YWHAZ: variants seen among roughly 807,000 people sequenced by gnomAD.
YWHAZ encodes 14-3-3 protein zeta/delta.
For synonymous variants in YWHAZ, 87 were observed against 103.6 expected (o/e 0.84, Z 0.97); for missense variants, 79 against 284.8 (o/e 0.28, Z 5.20).
intron 2 of YWHAZ, among the ~76,000 whole-genome samples, chr8:100,938,747 T>C (rs1814387310): frequency 1.3e-5 from 2 of 152,230 alleles, no homozygotes; most frequent in Admixed American, 6.5e-5. Context: ...TTTAATCTCT[T>C]ACTCCCCCTT....
At chr8:100,953,022 T>TGGGCC (rs1302377697), upstream of YWHAZ, 1 of 995,240 alleles carries the variant, frequency 1.0e-6, no homozygotes, top group Non-Finnish European at 1.2e-6. Context: ...GGGGGCGAGG[T>TGGGCC]GGGCCGGGCC....
In YWHAZ at chr8:100,944,461, T is replaced by C. The variant is rs114323348; in HGVS notation, c.294+4135A>G. Among the ~76,000 whole-genome samples, 789 of 152,274 alleles carry C rather than the reference T, an allele frequency of 5.2e-3. 9 individuals carry two copies. Among genetic ancestry groups the C allele is most frequent in the African/African-American group, 0.017 (716 of 41,554 alleles). On this transcript the variant is annotated intron_variant, in intron 2 of 5. Transcript: ENST00000395958. ...CACTATTAAGATTACTCAACTGCAG[T>C]TGCCAACTGTTATAAATGTTAGACA...
Position 100,918,907 on chromosome 8 carries a change from T to G in YWHAZ, c.*1786A>C, listed in dbSNP as rs1475879835. Reference sequence around the variant, plus strand: ...GAGGAAATATTTTGTAAAGTGAGCTTTGGGTATAACTTAGCCCCATCATTA... The same window carrying G: ...GAGGAAATATTTTGTAAAGTGAGCTGTGGGTATAACTTAGCCCCATCATTA... On this transcript the variant is annotated 3_prime_UTR_variant, in exon 6 of 6. Transcript: ENST00000395958. 6.6e-6 allele frequency: 1 copy of G among 152,584 alleles called. No individual in the cohort carries two copies. Among genetic ancestry groups the G allele is most frequent in the Non-Finnish European group, 1.5e-5 (1 of 68,036 alleles). 9.5% of individuals were successfully genotyped at this position (152,584 alleles called of 1,614,324 possible).
chr8:100,928,237 GC>G (rs1813504200), intron 2 of YWHAZ, among the ~76,000 whole-genome samples: 1 of 151,918 alleles, frequency 6.6e-6, no homozygotes, highest in African/African-American at 2.4e-5. Context: ...CTGAGATAGT[GC>G]CACTGCACTC....
rs1189210460 is a variant in YWHAZ, at chr8:100,952,000, C to T, written c.-83G>A. On this transcript the variant is annotated 5_prime_UTR_variant, in exon 1 of 6. Transcript: ENST00000395958. ...CTCTGGGCGGCGGCGGCGGCAGCAG[C>T]GGCGAGGCTGAGACTCTGTCCCTGG... 5.0e-6 allele frequency: 5 copies of T among 1,003,550 alleles called. No individual in the cohort carries two copies. Among genetic ancestry groups the T allele is most frequent in the African/African-American group, 3.5e-5 (2 of 57,408 alleles). 62.2% of individuals were successfully genotyped at this position (1,003,550 alleles called of 1,614,324 possible). A position where few individuals can be genotyped will look rare whatever the true frequency, so the allele number is the denominator to read the frequency against.
intron 5 of YWHAZ, 94 bp downstream of exon 5, chr8:100,923,861 T>G (rs1813190333): frequency 1.0e-6 from 1 of 990,204 alleles, no homozygotes; most frequent in Non-Finnish European, 1.5e-6. Flanking sequence ...AGAAAAAATT[T>G]TAAAAGATGT....
Position 100,922,305 on chromosome 8 carries a change from A to C in YWHAZ, c.679-1553T>G, listed in dbSNP as rs945429021. 1 of 152,168 alleles carries C rather than the reference A, an allele frequency of 6.6e-6. No homozygotes were observed. Among genetic ancestry groups the C allele is most frequent in the African/African-American group, 2.4e-5 (1 of 41,454 alleles). 9.4% of individuals were successfully genotyped at this position (152,168 alleles called of 1,614,324 possible). The stretch of plus-strand genomic sequence containing the variant: ...AGATAAATGTTCCAATCAACCTATA[A>C]TGGTGACAGCTGACACTAATAAGGC... On this transcript the variant is annotated intron_variant, in intron 5 of 5. Transcript: ENST00000395958. This position sits in a 1 kb window ranked among gnomAD's most constrained non-coding sequence, Gnocchi z 4.1.
intron 2 of YWHAZ, among the ~76,000 whole-genome samples, chr8:100,932,300 C>A (rs1466161094): frequency 2.0e-5 from 3 of 152,068 alleles, no homozygotes; most frequent in Admixed American, 2.0e-4. Context: ...CTTAACCCAC[C>A]CACTCACCCA....
intron 2 of YWHAZ, among the ~76,000 whole-genome samples, chr8:100,928,833 G>A (rs756832911): frequency 3.5e-4 from 54 of 152,182 alleles, no homozygotes; most frequent in Non-Finnish European, 6.2e-4. Flanking sequence ...AAGTTATGGC[G>A]AGTATACTAG....
intron 2 of YWHAZ, among the ~76,000 whole-genome samples, chr8:100,943,995 AAAG>A (rs1810077059): frequency 1.4e-5 from 2 of 147,926 alleles, no homozygotes; most frequent in African/African-American, 2.6e-5. Context: ...TCAAAAAAAA[AAAG>A]AAAAAAGAAA....
chr8:100,948,976 A>AT lies in YWHAZ; in HGVS notation c.-11-77dup, dbSNP rs1348327727. ...AGACTCAAAATTATACCTGTGGTAA[A>AT]TGAGTTTTTTAAACCTGAAACCTAA... On this transcript the variant is annotated intron_variant, in intron 1 of 5. Coordinates refer to ENST00000395958, the MANE Select transcript of YWHAZ (RefSeq NM_145690.3). The surrounding 1 kb of genome is among the most constrained non-coding windows in gnomAD (Gnocchi z 4.2). 2.7e-6 allele frequency: 4 copies of AT among 1,482,986 alleles called. No homozygotes were observed. Among genetic ancestry groups the AT allele is most frequent in the Admixed American group, 4.5e-5 (2 of 44,350 alleles). 91.9% of individuals were successfully genotyped at this position (1,482,986 alleles called of 1,614,324 possible).
chr8:100,921,037 A>AT (rs1812990951), intron 5 of YWHAZ, among the ~76,000 whole-genome samples: 5 of 152,016 alleles, frequency 3.3e-5, no homozygotes, highest in Admixed American at 3.3e-4. Flanking sequence ...ATTACAAGAA[A>AT]TAATACTTTT....
intron 5 of YWHAZ, among the ~76,000 whole-genome samples, chr8:100,921,505 CA>C (rs1351516259): frequency 3.3e-5 from 5 of 152,134 alleles, no homozygotes; most frequent in Non-Finnish European, 7.4e-5. Context: ...ACTCACACTC[CA>C]AACAGAATCC....
Position 100,919,798 on chromosome 8 carries a change from C to CA in YWHAZ, c.*894dup. On this transcript the variant is annotated 3_prime_UTR_variant, in exon 6 of 6. Coordinates refer to ENST00000395958, the MANE Select transcript of YWHAZ (RefSeq NM_145690.3). ...CATGAAAATTTCATAAGACATTAAACAAAGCTAGCCATCATCTCAAGTTAT... is the reference window on the plus strand; with the variant it reads ...CATGAAAATTTCATAAGACATTAAACAAAAGCTAGCCATCATCTCAAGTTAT... The CA allele has an allele frequency of 6.7e-6, 1 of 150,276 alleles. No individual in the cohort carries two copies. The highest frequency in any genetic ancestry group is 2.1e-4 in the South Asian group (1 of 4,762). The allele number at this position is 150,276 out of a possible 1,614,324, so 9.3% of individuals were successfully genotyped here.
In YWHAZ at chr8:100,924,877, C is replaced by T. The variant is rs1427780744; in HGVS notation, c.418+39G>A. 1 of 1,610,304 alleles carries T rather than the reference C, an allele frequency of 6.2e-7. No homozygotes were observed. The highest frequency in any genetic ancestry group is 8.5e-7 in the Non-Finnish European group (1 of 1,179,074). On this transcript the variant is annotated intron_variant, in intron 3 of 5. Coordinates refer to ENST00000395958, the MANE Select transcript of YWHAZ (RefSeq NM_145690.3). The surrounding 1 kb of genome is among the most constrained non-coding windows in gnomAD (Gnocchi z 5.7). ...CAGAGACTCTTCCTCACTATGTTATCTTATACAAGTTCAACCAACAGGTTT... is the reference window on the plus strand; with the variant it reads ...CAGAGACTCTTCCTCACTATGTTATTTTATACAAGTTCAACCAACAGGTTT...
chr8:100,951,405 G>A (rs865923029), intron 1 of YWHAZ: 3 of 965,772 alleles, frequency 3.1e-6, no homozygotes, highest in East Asian at 1.1e-4. Context: ...GCTGCGCGAG[G>A]GGGAGGGAAA....
chr8:100,950,186 G>C (rs928206192), intron 1 of YWHAZ, among the ~76,000 whole-genome samples: 3 of 152,122 alleles, frequency 2.0e-5, no homozygotes, highest in Non-Finnish European at 2.9e-5. Context: ...CATTATTTTC[G>C]TCAGGTCTCT....
At chr8:100,953,340 G>A, upstream of YWHAZ, 1 of 985,724 alleles carries the variant, frequency 1.0e-6, no homozygotes, top group Non-Finnish European at 1.2e-6. Context: ...GTGGGAGTGG[G>A]CCACAGGCCG....
chr8:100,923,789 T>C, intron 5 of YWHAZ, 166 bp downstream of exon 5: 1 of 497,146 alleles, frequency 2.0e-6, no homozygotes, highest in Non-Finnish European at 3.5e-6. Context: ...TTTCTGTAAT[T>C]TTCCTTCATA....
Sources: allele counts gnomAD v4.1 joint callset (sites outside exome capture counted in the v4.1 genomes callset), GRCh38; gene constraint gnomAD v4.1.1; non-coding constraint Gnocchi (gnomAD v3.1); transcripts MANE v1.5; gene names NCBI Gene and HGNC (gene_info 2026-07-23, HGNC 2026-07-21).